Variants in NOX4 observed in about 807,000 individuals in gnomAD.
NOX4 encodes the protein kidney oxidase-1.
A neutral mutation model predicts 87.6 loss-of-function variants in NOX4; 69 were observed. That is an observed-to-expected ratio of 0.79 (90% confidence interval 0.65 to 0.96). NOX4 has a LOEUF of 0.96. Among genes scored for constraint, NOX4 ranks in the 40% least tolerant of loss-of-function variants. The pLI is 0.00. For missense variants in NOX4, 680 were observed against 681.5 expected, an observed-to-expected ratio of 1.00 and a Z score of 0.02; for synonymous variants, 275 against 238.2, an observed-to-expected ratio of 1.15 and a Z score of -1.42.
rs2135351207 is a variant in NOX4, at chr11:89,325,838, A to C, written c.*918T>G. ...TACCTGGGAAAAAAACAATAATAAT[A>C]ATAGAGACAAAAATGCTGAAAAAAG... On this transcript the variant is annotated 3_prime_UTR_variant, in exon 18 of 18. Transcript: ENST00000263317. The C allele has an allele frequency of 6.6e-6, 1 of 150,684 alleles. No homozygotes were observed. The highest frequency in any genetic ancestry group is 2.0e-4 in the East Asian group (1 of 5,120). The allele number at this position is 150,684 out of a possible 1,614,324, so 9.3% of individuals were successfully genotyped here.
intron 6 of NOX4, among the ~76,000 whole-genome samples, chr11:89,435,729 T>C (rs960597936): frequency 5.9e-5 from 9 of 152,146 alleles, no homozygotes; most frequent in African/African-American, 1.9e-4. Flanking sequence ...CAGCCAATGA[T>C]GTATATGGTC....
At chr11:89,520,717 G>A in the NOX4 span, among the ~76,000 whole-genome samples, 23 of 152,022 alleles carry the variant, frequency 1.5e-4, no homozygotes, top group Admixed American at 7.9e-4. Flanking sequence ...GCAAGAGAAC[G>A]AAATAAAATC....
the NOX4 span, among the ~76,000 whole-genome samples, chr11:89,552,527 C>A: frequency 1.3e-5 from 2 of 152,118 alleles, no homozygotes; most frequent in Non-Finnish European, 2.9e-5. Flanking sequence ...CTGCCCACTC[C>A]CATTTGTCCC....
chr11:89,535,445 C>G, the NOX4 span, among the ~76,000 whole-genome samples: 1,434 of 152,296 alleles, frequency 9.4e-3, 24 homozygotes, highest in African/African-American at 0.033. Context: ...GTCCAAGAAA[C>G]AGCATTAATT....
chr11:89,560,911 A>C, the NOX4 span, among the ~76,000 whole-genome samples: 1 of 147,004 alleles, frequency 6.8e-6, no homozygotes, highest in Non-Finnish European at 1.5e-5. Context: ...TTCAGGTTGC[A>C]GAAAGCCTGT....
intron 7 of NOX4, among the ~76,000 whole-genome samples, chr11:89,426,493 T>A (rs941234080): frequency 6.6e-6 from 1 of 152,030 alleles, no homozygotes; most frequent in Non-Finnish European, 1.5e-5. Flanking sequence ...CTGTGACAGA[T>A]GGCACCTGGA....
At chr11:89,461,597 A>G (rs547446898) in intron 2 of NOX4, among the ~76,000 whole-genome samples, 1 of 151,654 alleles carries the variant, frequency 6.6e-6, no homozygotes, top group African/African-American at 2.4e-5. Flanking sequence ...GTGAGCCGAG[A>G]TCGCGCCACT....
intron 11 of NOX4, among the ~76,000 whole-genome samples, chr11:89,379,064 A>C (rs552345104): frequency 6.6e-6 from 1 of 152,306 alleles, no homozygotes; most frequent in East Asian, 1.9e-4. Flanking sequence ...GAACGTGTGC[A>C]TTTATCTCAG....
chr11:89,341,049 A>G (rs1271536429), intron 14 of NOX4, among the ~76,000 whole-genome samples: 2 of 151,724 alleles, frequency 1.3e-5, no homozygotes, highest in East Asian at 3.9e-4. Flanking sequence ...AAGAATATCA[A>G]TCAATTAACT....
intron 11 of NOX4, among the ~76,000 whole-genome samples, chr11:89,379,457 A>G (rs1193688043): frequency 6.6e-6 from 1 of 152,104 alleles, no homozygotes; most frequent in East Asian, 1.9e-4. Context: ...CCATGTAACT[A>G]CTACTCCACA....
At chr11:89,568,822 T>C in the NOX4 span, among the ~76,000 whole-genome samples, 1 of 152,066 alleles carries the variant, frequency 6.6e-6, no homozygotes, top group Non-Finnish European at 1.5e-5. Context: ...AACAGACACA[T>C]AGACCAATGC....
At chr11:89,385,540 T>G (rs1940639331) in intron 11 of NOX4, among the ~76,000 whole-genome samples, 1 of 152,222 alleles carries the variant, frequency 6.6e-6, no homozygotes, top group Non-Finnish European at 1.5e-5. Context: ...TTCTATTCTG[T>G]TGTCATTTCA....
chr11:89,361,548 C>A (rs183257123), intron 12 of NOX4, among the ~76,000 whole-genome samples: 16 of 152,122 alleles, frequency 1.1e-4, no homozygotes, highest in African/African-American at 3.6e-4. Flanking sequence ...TCTCAAAAAT[C>A]ACCACTAAAG....
intron 13 of NOX4, among the ~76,000 whole-genome samples, chr11:89,346,484 C>A (rs317202): frequency 0.019 from 2,887 of 150,320 alleles, 65 homozygotes; most frequent in African/African-American, 0.054. Flanking sequence ...AAAAAAAAAA[C>A]CCCAAATAAA....
At chr11:89,583,113 T>C in the NOX4 span, among the ~76,000 whole-genome samples, 1 of 152,192 alleles carries the variant, frequency 6.6e-6, no homozygotes, top group Non-Finnish European at 1.5e-5. Flanking sequence ...AGCAGTATAA[T>C]TTATCTTTTT....
intron 14 of NOX4, among the ~76,000 whole-genome samples, chr11:89,340,615 C>T (rs1226766928): frequency 6.6e-6 from 1 of 152,124 alleles, no homozygotes; most frequent in African/African-American, 2.4e-5. Context: ...GGCTTTTTGG[C>T]AAAATGAGCC....
chr11:89,346,105 C>G (rs1946204522), intron 13 of NOX4, among the ~76,000 whole-genome samples: 1 of 152,100 alleles, frequency 6.6e-6, no homozygotes, highest in Admixed American at 6.6e-5. Context: ...AGTCAATGCA[C>G]AAAAATCAGC....
chr11:89,468,906 G>C (rs1329452268), intron 2 of NOX4, among the ~76,000 whole-genome samples: 2 of 152,028 alleles, frequency 1.3e-5, no homozygotes, highest in Non-Finnish European at 2.9e-5. Flanking sequence ...TACCACACCT[G>C]TCTAATTACT....
At chr11:89,541,335 T>C in the NOX4 span, among the ~76,000 whole-genome samples, 1 of 152,112 alleles carries the variant, frequency 6.6e-6, no homozygotes, top group Non-Finnish European at 1.5e-5. Context: ...TAAGAAGAGT[T>C]TTTTTCCCCA....
Sources: allele counts gnomAD v4.1 joint callset (sites outside exome capture counted in the v4.1 genomes callset), GRCh38; gene constraint gnomAD v4.1.1; transcripts MANE v1.5; gene names NCBI Gene and HGNC (gene_info 2026-07-23, HGNC 2026-07-21).